The following ATP9B variants were observed in gnomAD, a reference collection of about 807,000 sequenced individuals.
ATP9B encodes the protein ATPase phospholipid transporting 9B.
ATP9B carries 110 observed loss-of-function variants against 146.1 expected under a neutral mutation model. That is an observed-to-expected ratio of 0.75 (90% CI 0.65 to 0.88). The LOEUF (loss-of-function observed/expected upper bound fraction) is 0.88. Ranked by LOEUF, ATP9B falls within the 40% of genes least tolerant of loss-of-function variation. The pLI, the probability that ATP9B is intolerant of heterozygous loss-of-function variation, is 0.00. For synonymous variants in ATP9B, 604 were observed against 569.7 expected (o/e 1.06, Z -0.86); for missense variants, 1,499 against 1,496.4 (o/e 1.00, Z -0.03).
intron 2 of ATP9B, among the ~76,000 whole-genome samples, chr18:79,107,555 G>A (rs1175500884): frequency 5.9e-5 from 9 of 152,148 alleles, no homozygotes; most frequent in Admixed American, 6.5e-5. Context: ...TTCGTAGTGT[G>A]TAGACTCCAC....
rs577917877 is a variant in ATP9B, at chr18:79,283,410, G to C, written c.1411+6214G>C. On this transcript the variant is annotated intron_variant, in intron 13 of 29. Transcript: ENST00000426216. ...TTAATGTTACTAACATAATTGGAAG[G>C]TGGTCCTTCGCAGGAGTGTAAATGG... Among the ~76,000 whole-genome samples the C allele has an allele frequency of 1.4e-4, 22 of 152,318 alleles. No homozygotes were observed. The East Asian group carries it at 4.2e-3, about 29-fold the overall frequency.
In ATP9B at chr18:79,262,311, A is replaced by G. The variant is rs150728689; in HGVS notation, c.1268+8770A>G. On this transcript the variant is annotated intron_variant, in intron 12 of 29. Transcript: ENST00000426216. ...GAAAAAAAATACTTTTCTATAATTTATGTTACGTTTTTAGTTACTGAGCAT... is the reference window on the plus strand; with the variant it reads ...GAAAAAAAATACTTTTCTATAATTTGTGTTACGTTTTTAGTTACTGAGCAT... Among the ~76,000 whole-genome samples, 2 of 152,074 alleles carry G rather than the reference A, an allele frequency of 1.3e-5. 1 individual carries two copies. The highest frequency in any genetic ancestry group is 4.1e-4 in the South Asian group (2 of 4,826).
intron 8 of ATP9B, among the ~76,000 whole-genome samples, chr18:79,182,427 C>A (rs1405887875): frequency 6.6e-6 from 1 of 152,226 alleles, no homozygotes. Flanking sequence ...CAAATGCTAG[C>A]TGTCAGTTTC....
chr18:79,263,503 G>A (rs2096166980), intron 12 of ATP9B, among the ~76,000 whole-genome samples: 1 of 152,228 alleles, frequency 6.6e-6, no homozygotes, highest in African/African-American at 2.4e-5. Flanking sequence ...AGGGTCAGCT[G>A]TGAATTAGTT....
At chr18:79,163,226 G>A (rs2094910749) in intron 7 of ATP9B, among the ~76,000 whole-genome samples, 1 of 152,136 alleles carries the variant, frequency 6.6e-6, no homozygotes, top group South Asian at 2.1e-4. Flanking sequence ...ATTTTTAACT[G>A]TACTTAACTT....
chr18:79,356,172 C>G (rs545213655), intron 25 of ATP9B, among the ~76,000 whole-genome samples: 74 of 152,282 alleles, frequency 4.9e-4, no homozygotes, highest in Middle Eastern at 3.4e-3. Flanking sequence ...CCACAGAGAC[C>G]AGGTTAGACC....
intron 15 of ATP9B, among the ~76,000 whole-genome samples, chr18:79,310,856 A>G (rs752538363): frequency 5.9e-5 from 9 of 152,126 alleles, no homozygotes; most frequent in Non-Finnish European, 1.0e-4. Context: ...CCATTACAGA[A>G]ATGCTGGGCT....
chr18:79,208,248 A>G (rs2095553640), intron 10 of ATP9B, among the ~76,000 whole-genome samples: 1 of 152,206 alleles, frequency 6.6e-6, no homozygotes, highest in African/African-American at 2.4e-5. Context: ...CCATCTCAAA[A>G]AAAGAAAAAT....
In ATP9B at chr18:79,113,261, G is replaced by C; in HGVS notation, c.465G>C (p.Lys155Asn). Residue 155 changes from lysine (K) to asparagine (N), a missense_variant, in exon 4 of 30, where the codon AAG (lysine) becomes AAC (asparagine). Transcript: ENST00000426216. ...TTTAGGTTTTGTATGAACAATTCAA[G>C]TTTTTCTTGAATCTCTATTTTCTAG... ...FIPGVLYEQF[K>N]FFLNLYFLVI... 6.3e-7 allele frequency: 1 copy of C among 1,587,844 alleles called. No individual in the cohort carries two copies. The highest frequency in any genetic ancestry group is 8.6e-7 in the Non-Finnish European group (1 of 1,163,548).
Position 79,329,178 on chromosome 18 carries a change from C to A in ATP9B, c.1811C>A (p.Thr604Lys), listed in dbSNP as rs377539032. ...CAGTGGACAGAGAGTGTGGGCCTCA[C>A]GCTGGTCAGCAGGGACCTCACCTCC... ...LVQWTESVGLTLVSRDLTSMQ... is the reference protein window; with the variant it reads ...LVQWTESVGLKLVSRDLTSMQ... Residue 604 changes from threonine to lysine, a missense_variant, in exon 16 of 30, where the codon ACG becomes AAG. Physicochemically the swap from Thr to Lys is moderately conservative, Grantham distance 78. Transcript: ENST00000426216. The A allele has an allele frequency of 6.2e-7, 1 of 1,610,384 alleles. No individual in the cohort carries two copies. Among genetic ancestry groups the A allele is most frequent in the Admixed American group, 1.7e-5 (1 of 59,720 alleles).
At chr18:79,314,962 G>C (rs2096671690) in intron 15 of ATP9B, among the ~76,000 whole-genome samples, 1 of 152,248 alleles carries the variant, frequency 6.6e-6, no homozygotes, top group South Asian at 2.1e-4. Context: ...AAGACCGCCG[G>C]CTTCTTTTGG....
intron 11 of ATP9B, among the ~76,000 whole-genome samples, chr18:79,220,084 G>T (rs1398109372): frequency 6.6e-6 from 1 of 152,166 alleles, no homozygotes; most frequent in Non-Finnish European, 1.5e-5. Context: ...TTTGCATGTG[G>T]ACATGTAAGC....
At chr18:79,083,030 G>A (rs952447640) in intron 1 of ATP9B, among the ~76,000 whole-genome samples, 2 of 152,224 alleles carry the variant, frequency 1.3e-5, no homozygotes, top group Non-Finnish European at 2.9e-5. Context: ...CAGGTGCTCT[G>A]TCACAGGAAG....
At chr18:79,159,318 A>C (rs1031029839) in intron 7 of ATP9B, among the ~76,000 whole-genome samples, 3 of 152,200 alleles carry the variant, frequency 2.0e-5, no homozygotes, top group African/African-American at 7.2e-5. Flanking sequence ...CTCCCCATCC[A>C]GATGAGCTCC....
chr18:79,377,228 C>T lies in ATP9B; in HGVS notation c.3308-19C>T. ...CTTCTTGGTCAGCTCTTACCTTTTT[C>T]TCTGTTTCCTGCCAACAGATGTTGC... On this transcript the variant is annotated intron_variant, in intron 29 of 29. Coordinates refer to ENST00000426216, the MANE Select transcript of ATP9B (RefSeq NM_198531.5). The T allele has an allele frequency of 6.2e-7, 1 of 1,609,960 alleles. No individual in the cohort carries two copies.
intron 13 of ATP9B, 40 bp from the exon 14 acceptor site, chr18:79,303,564 T>C: frequency 6.5e-7 from 1 of 1,540,058 alleles, no homozygotes. Context: ...CCCGCAGGCC[T>C]CCTGCATTAA....
intron 11 of ATP9B, among the ~76,000 whole-genome samples, chr18:79,218,467 T>C (rs1056485002): frequency 2.0e-5 from 3 of 151,952 alleles, no homozygotes; most frequent in African/African-American, 7.3e-5. Flanking sequence ...CAGCTCCTGC[T>C]GGTCATATTT....
intron 5 of ATP9B, among the ~76,000 whole-genome samples, chr18:79,138,046 T>C (rs1230164488): frequency 2.6e-5 from 4 of 152,340 alleles, no homozygotes; most frequent in South Asian, 4.1e-4. Flanking sequence ...TCTCAGTGCT[T>C]TAATACATTT....
At chr18:79,118,475 A>G (rs1718793390) in intron 4 of ATP9B, among the ~76,000 whole-genome samples, 1 of 129,638 alleles carries the variant, frequency 7.7e-6, no homozygotes, top group South Asian at 2.5e-4. Context: ...ATCTCGGCTC[A>G]CTGCAAGCTC....
Sources: gnomAD v4.1 joint callset for allele counts (sites outside exome capture counted in the v4.1 genomes callset) on GRCh38, gnomAD v4.1.1 for gene constraint, MANE v1.5 for transcripts, NCBI Gene and HGNC (gene_info 2026-07-23, HGNC 2026-07-21) for gene names.